Variants in PDE4D observed in about 807,000 individuals in gnomAD.
PDE4D encodes the protein 3',5'-cyclic-AMP phosphodiesterase 4D.
PDE4D carries 24 observed loss-of-function variants against 87.4 expected under a neutral mutation model. That is an observed-to-expected ratio of 0.27 (90% CI 0.20 to 0.39). PDE4D has a LOEUF of 0.39. Among genes scored for constraint, PDE4D ranks in the 10% least tolerant of loss-of-function variants. The probability of loss-of-function intolerance (pLI) is 1.00; values close to 1 mark genes in which losing one functional copy is unlikely to be tolerated. For synonymous variants in PDE4D, 384 were observed against 383.2 expected, an observed-to-expected ratio of 1.00 and a Z score of -0.02; for missense variants, 714 against 1,041.0, an observed-to-expected ratio of 0.69 and a Z score of 4.32.
At chr5:59,130,323 G>A (rs1271685889) in intron 5 of PDE4D, among the ~76,000 whole-genome samples, 4 of 152,166 alleles carry the variant, frequency 2.6e-5, no homozygotes, top group East Asian at 1.9e-4. Flanking sequence ...GAGATAAGAC[G>A]CCAAATCAAT....
chr5:60,336,489 C>T (rs974939978), intron 1 of PDE4D, among the ~76,000 whole-genome samples: 2 of 152,200 alleles, frequency 1.3e-5, no homozygotes, highest in African/African-American at 2.4e-5. Flanking sequence ...TCAGGGTGCC[C>T]GTGCTTCCTG....
intron 1 of PDE4D, among the ~76,000 whole-genome samples, chr5:59,702,235 T>C (rs938817477): frequency 6.6e-6 from 1 of 152,108 alleles, no homozygotes; most frequent in East Asian, 1.9e-4. Flanking sequence ...GTCATTCTCC[T>C]GCCTCAGCCT....
intron 1 of PDE4D, among the ~76,000 whole-genome samples, chr5:59,541,459 C>T (rs1259655489): frequency 6.6e-6 from 1 of 152,178 alleles, no homozygotes; most frequent in Non-Finnish European, 1.5e-5. Flanking sequence ...AGTAAATAAA[C>T]ACCTATCATG....
intron 1 of PDE4D, among the ~76,000 whole-genome samples, chr5:60,257,286 AAC>A (rs1288164994): frequency 6.6e-6 from 1 of 151,852 alleles, no homozygotes; most frequent in Middle Eastern, 3.2e-3. Context: ...GAAAAAAGAA[AAC>A]ACAACAAAAT....
At chr5:59,301,950 C>G (rs1334516251) in intron 1 of PDE4D, among the ~76,000 whole-genome samples, 1 of 152,146 alleles carries the variant, frequency 6.6e-6, no homozygotes, top group Non-Finnish European at 1.5e-5. Flanking sequence ...AGGAACTAAG[C>G]AAACATGACC....
chr5:60,289,977 T>C (rs1181386811), intron 1 of PDE4D, among the ~76,000 whole-genome samples: 2 of 152,112 alleles, frequency 1.3e-5, no homozygotes, highest in Non-Finnish European at 2.9e-5. Context: ...CCTGAGTTAT[T>C]TGGAGAAAGA....
chr5:60,360,463 T>C (rs934221666), intron 1 of PDE4D, among the ~76,000 whole-genome samples: 1 of 152,168 alleles, frequency 6.6e-6, no homozygotes, highest in African/African-American at 2.4e-5. Context: ...ATTCAGAATA[T>C]CTGCCTTTTC....
intron 1 of PDE4D, among the ~76,000 whole-genome samples, chr5:60,499,458 T>G (rs1366204703): frequency 6.6e-6 from 1 of 152,176 alleles, no homozygotes; most frequent in African/African-American, 2.4e-5. Flanking sequence ...ATGTTAAAAC[T>G]GTCATGAAAG....
intron 1 of PDE4D, among the ~76,000 whole-genome samples, chr5:59,409,328 C>G (rs1792254985): frequency 1.3e-5 from 2 of 152,092 alleles, no homozygotes; most frequent in Non-Finnish European, 2.9e-5. Context: ...AGTTATGACT[C>G]TGGGAGACTG....
chr5:59,486,335 T>C (rs1216636909), intron 1 of PDE4D, among the ~76,000 whole-genome samples: 2 of 152,148 alleles, frequency 1.3e-5, no homozygotes, highest in African/African-American at 4.8e-5. Flanking sequence ...CACAATAGAC[T>C]TCCCATGGTT....
intron 5 of PDE4D, among the ~76,000 whole-genome samples, chr5:59,066,135 T>C (rs1763888436): frequency 6.6e-6 from 1 of 152,174 alleles, no homozygotes; most frequent in Non-Finnish European, 1.5e-5. Flanking sequence ...ACATGTAGTA[T>C]GTACTAAACA....
chr5:59,217,166 C>G, intron 1 of PDE4D: 1 of 454,684 alleles, frequency 2.2e-6, no homozygotes, highest in East Asian at 7.0e-5. Context: ...GAAACATCAA[C>G]CAGTATTAAA....
chr5:59,126,263 C>T (rs556483352), intron 5 of PDE4D, among the ~76,000 whole-genome samples: 9 of 152,212 alleles, frequency 5.9e-5, no homozygotes, highest in Middle Eastern at 3.4e-3. Flanking sequence ...ATAGCCAATA[C>T]GACCCAAGTT....
intron 2 of PDE4D, among the ~76,000 whole-genome samples, chr5:60,046,196 T>C (rs1365203677): frequency 6.6e-6 from 1 of 152,226 alleles, no homozygotes; most frequent in African/African-American, 2.4e-5. Context: ...AGAACGCTTG[T>C]GATTTTTGTA....
At chr5:59,460,683 CT>C (rs1320294306) in intron 1 of PDE4D, among the ~76,000 whole-genome samples, 1 of 152,296 alleles carries the variant, frequency 6.6e-6, no homozygotes, top group East Asian at 1.9e-4. Context: ...GGAGCTGCAG[CT>C]TTCCATGCTT....
At chr5:59,374,591 C>T (rs150051457) in intron 1 of PDE4D, among the ~76,000 whole-genome samples, 1 of 152,262 alleles carries the variant, frequency 6.6e-6, no homozygotes, top group African/African-American at 2.4e-5. Context: ...GAGACTTTAA[C>T]ATATCACTGA....
chr5:59,421,312 T>C, intron 1 of PDE4D, among the ~76,000 whole-genome samples: 1 of 152,258 alleles, frequency 6.6e-6, no homozygotes, highest in African/African-American at 2.4e-5. Context: ...AATTTACTAG[T>C]ACTGCAGAAA....
At chr5:59,095,390 T>C (rs1017759225) in intron 5 of PDE4D, among the ~76,000 whole-genome samples, 30 of 151,882 alleles carry the variant, frequency 2.0e-4, no homozygotes, top group African/African-American at 6.5e-4. Context: ...CTTGGTATTA[T>C]AGTATTCTTT....
chr5:59,316,320 T>C (rs554258956), intron 1 of PDE4D, among the ~76,000 whole-genome samples: 1 of 152,326 alleles, frequency 6.6e-6, no homozygotes, highest in Non-Finnish European at 1.5e-5. Flanking sequence ...AACTAGTCTT[T>C]CTGTTTAAAA....
Sources: allele counts gnomAD v4.1 joint callset (sites outside exome capture counted in the v4.1 genomes callset), GRCh38; gene constraint gnomAD v4.1.1; transcripts MANE v1.5; gene names NCBI Gene and HGNC (gene_info 2026-07-23, HGNC 2026-07-21).